ARHGAP30: variants seen among roughly 807,000 people sequenced by gnomAD.
The protein encoded by ARHGAP30 is Rho GTPase activating protein 30, also known as rho GTPase-activating protein 30.
A neutral mutation model predicts 72.0 loss-of-function variants in ARHGAP30; 23 were observed. The observed-to-expected ratio is 0.32, with a 90% CI of 0.23 to 0.45. The LOEUF (loss-of-function observed/expected upper bound fraction) is 0.45. ARHGAP30 is among the 20% of genes least tolerant of loss of function. ARHGAP30 has a pLI of 1.00. For synonymous variants in ARHGAP30, 576 were observed against 528.2 expected, an observed-to-expected ratio of 1.09 and a Z score of -1.24; for missense variants, 1,319 against 1,383.4, an observed-to-expected ratio of 0.95 and a Z score of 0.74.
chr1:161,057,910 T>C (rs1298691732), intron 2 of ARHGAP30, among the ~76,000 whole-genome samples: 1 of 151,720 alleles, frequency 6.6e-6, no homozygotes, highest in Non-Finnish European at 1.5e-5. Flanking sequence ...CCAGCACTTC[T>C]GGAGGCCAAG....
rs201733366 is a variant in ARHGAP30 at position 161,051,331 on chromosome 1, A to G, written c.1403T>C (p.Leu468Pro). 66 of 1,603,252 alleles carry G rather than the reference A, an allele frequency of 4.1e-5. No homozygotes were observed. In the East Asian group the frequency reaches 6.5e-4, roughly 16 times the overall value. ...PASGPGPGPGLGPGPPDEKLE... is the reference protein window; with the variant it reads ...PASGPGPGPGPGPGPPDEKLE... ...GTCCTCACCTGGGGGGCCAGGGCCA[A>G]GGCCAGGGCCAGGGCCAGGGCCAGA... The change falls in exon 10 of 12, where the codon CTT (leucine) becomes CCT (proline). Residue 468 changes from leucine (L) to proline (P), a missense_variant. By Grantham distance (98) the Leu-to-Pro change is moderately conservative (BLOSUM62 -3). This residue lies in a region of ARHGAP30 where 1,097 missense variants were observed against 1,045.2 expected (regional missense o/e 1.05). Coordinates refer to ENST00000368013, the MANE Select transcript of ARHGAP30 (RefSeq NM_001025598.2).
Position 161,054,827 on chromosome 1 carries a change from A to T in ARHGAP30, c.346-122T>A. 3 of 834,750 alleles carry T rather than the reference A, an allele frequency of 3.6e-6. No individual in the cohort carries two copies. The South Asian group carries it at 4.4e-5, about 12-fold the overall frequency. The allele number at this position is 834,750 out of a possible 1,614,324, so 51.7% of individuals were successfully genotyped here. A position where few individuals can be genotyped will look rare whatever the true frequency, so the allele number is the denominator to read the frequency against. ...ACTGGACTCTGTGCTACCCCATCCT[A>T]CATCATCTGCGGTGCACTGACTTGG... On this transcript the variant is annotated intron_variant, in intron 3 of 11. Coordinates refer to ENST00000368013, the MANE Select transcript of ARHGAP30 (RefSeq NM_001025598.2).
Position 161,052,317 on chromosome 1 carries a change from G to C in ARHGAP30, c.987C>G (p.Asp329Glu). ...TGGCCCCAGCTGCAGCACTCAGTGA[G>C]TCCATGCTTTTGGCTGGCCGCAGTG... is the stretch of plus-strand genomic sequence containing the variant. ...KGTLRPAKSM[D>E]SLSAAAGASD... is the part of the protein sequence containing the mutation. The change falls in exon 9 of 12, where the codon GAC becomes GAG. Residue 329 changes from aspartate to glutamate, a missense_variant. Physicochemically the swap from Asp to Glu is conservative, Grantham distance 45 (BLOSUM62 2). Transcript: ENST00000368013. 6.2e-7 allele frequency: 1 copy of C among 1,613,980 alleles called. No individual in the cohort carries two copies. Among genetic ancestry groups the C allele is most frequent in the Non-Finnish European group, 8.5e-7 (1 of 1,180,032 alleles).
chr1:161,064,779 A>AAAAGAAAG (rs201614477), intron 1 of ARHGAP30, among the ~76,000 whole-genome samples: 1,659 of 98,066 alleles, frequency 0.017, 33 homozygotes, highest in East Asian at 0.062. Flanking sequence ...GAAAGAAAGA[A>AAAAGAAAG]AAAGAAAGAA....
chr1:161,047,670 T>C lies in ARHGAP30; in HGVS notation c.*45A>G. On this transcript the variant is annotated 3_prime_UTR_variant, in exon 12 of 12. Transcript: ENST00000368013. ...ACAGCTAGTCAGGAACCCTGGAGAT[T>C]CAAGACAACTTGCTGGTCCCCTTTG... 6.7e-7 allele frequency: 1 copy of C among 1,490,730 alleles called. No homozygotes were observed. The highest frequency in any genetic ancestry group is 8.9e-7 in the Non-Finnish European group (1 of 1,119,502). 92.3% of individuals were successfully genotyped at this position (1,490,730 alleles called of 1,614,324 possible). A position where few individuals can be genotyped will look rare whatever the true frequency, so the allele number is the denominator to read the frequency against.
Position 161,048,089 on chromosome 1 carries a change from T to C in ARHGAP30, c.2932A>G (p.Arg978Gly). The change falls in exon 12 of 12, where the codon AGG (arginine) becomes GGG (glycine). Residue 978 changes from arginine to glycine, a missense_variant. This residue lies in a region of ARHGAP30 where 1,097 missense variants were observed against 1,045.2 expected (regional missense o/e 1.05). Coordinates refer to ENST00000368013, the MANE Select transcript of ARHGAP30 (RefSeq NM_001025598.2). ...PGRLDGTPGE[R>G]AWGSRASRSS... ...CGAGAAGCTCGGGACCCCCAAGCCC[T>C]TTCTCCAGGAGTCCCATCAAGCCGG... is the stretch of plus-strand genomic sequence containing the variant. 6.2e-7 allele frequency: 1 copy of C among 1,614,148 alleles called. No individual in the cohort carries two copies. Among genetic ancestry groups the C allele is most frequent in the Non-Finnish European group, 8.5e-7 (1 of 1,180,016 alleles).
chr1:161,052,645 T>C lies in ARHGAP30; in HGVS notation c.817A>G (p.Ile273Val), dbSNP rs776608050. 2 of 1,613,758 alleles carry C rather than the reference T, an allele frequency of 1.2e-6. No homozygotes were observed. The highest frequency in any genetic ancestry group is 4.5e-5 in the East Asian group (2 of 44,894). The change falls in exon 7 of 12, where the codon ATC (isoleucine) becomes GTC (valine). Residue 273 changes from isoleucine to valine, a missense_variant. This residue lies in a region of ARHGAP30 where 1,097 missense variants were observed against 1,045.2 expected (regional missense o/e 1.05). Transcript: ENST00000368013. ...CCTTACTTGTGCTCTGCAATCTCGATGATAGTATGGTAGGGCCGCATCTGT... is the reference window on the plus strand; with the variant it reads ...CCTTACTTGTGCTCTGCAATCTCGACGATAGTATGGTAGGGCCGCATCTGT... ...PPQMRPYHTI[I>V]EIAEHKRKGS...
rs1483737960 is a variant in ARHGAP30 at position 161,049,518 on chromosome 1, A to G, written c.1592T>C (p.Val531Ala). The change falls in exon 11 of 12, where the codon GTG (valine) becomes GCG (alanine). Residue 531 changes from valine to alanine, a missense_variant. Transcript: ENST00000368013. ...TGCTCCTGCTGCTTCTGCCTGGGCC[A>G]CCTCCCCATCCTCTGCCCCCACCCA... ...PEWVGAEDGE[V>A]AQAEAAGAAF... The G allele has an allele frequency of 1.2e-6, 2 of 1,613,454 alleles. No homozygotes were observed. Among genetic ancestry groups the G allele is most frequent in the Admixed American group, 1.7e-5 (1 of 59,966 alleles).
Position 161,051,522 on chromosome 1 carries a change from T to C in ARHGAP30, c.1212A>G (p.Ala404=). 2 of 1,614,238 alleles carry C rather than the reference T, an allele frequency of 1.2e-6. No individual in the cohort carries two copies. The highest frequency in any genetic ancestry group is 3.3e-4 in the Middle Eastern group (2 of 6,062). ...SAIRAGGSSR[A]ERCAGVHISD... is the part of the protein sequence containing the mutation. ...AGATGTGGACACCAGCACAGCGTTCTGCACGGCTGCTGCCCCCAGCCCGGA... is the reference window on the plus strand; with the variant it reads ...AGATGTGGACACCAGCACAGCGTTCCGCACGGCTGCTGCCCCCAGCCCGGA... The change falls in exon 10 of 12, where the codon GCA becomes GCG. Residue 404 remains alanine (A), a synonymous_variant. Coordinates refer to ENST00000368013, the MANE Select transcript of ARHGAP30 (RefSeq NM_001025598.2).
chr1:161,064,775 AAGAAAAAG>A (rs1243435640), intron 1 of ARHGAP30, among the ~76,000 whole-genome samples: 4 of 100,136 alleles, frequency 4.0e-5, no homozygotes, highest in East Asian at 4.7e-4. Context: ...GAAAGAAAGA[AAGAAAAAG>A]AAAGAAAGAA....
chr1:161,058,922 ACTAT>A (rs1220536338), intron 2 of ARHGAP30, among the ~76,000 whole-genome samples: 4 of 151,884 alleles, frequency 2.6e-5, no homozygotes, highest in Non-Finnish European at 5.9e-5. Flanking sequence ...GTACTTCATC[ACTAT>A]CTAAAGTAAA....
intron 1 of ARHGAP30, among the ~76,000 whole-genome samples, chr1:161,061,423 G>T (rs1652303824): frequency 6.6e-6 from 1 of 152,104 alleles, no homozygotes. Flanking sequence ...AAAGTGCTGG[G>T]ATTACAGGCG....
rs1399070911 is a variant in ARHGAP30, at chr1:161,048,160, C to T, written c.2861G>A (p.Cys954Tyr). 1 of 1,614,208 alleles carries T rather than the reference C, an allele frequency of 6.2e-7. No homozygotes were observed. The highest frequency in any genetic ancestry group is 1.1e-5 in the South Asian group (1 of 91,086). The change falls in exon 12 of 12, where the codon TGT becomes TAT. Residue 954 changes from cysteine to tyrosine, a missense_variant. Coordinates refer to ENST00000368013, the MANE Select transcript of ARHGAP30 (RefSeq NM_001025598.2). The stretch of plus-strand genomic sequence containing the variant: ...TGCAGGTGCCACATGAATCTTGCTA[C>T]ACATTGCACTGGGCATCTTGGCAAA... ...PQFAKMPSAM[C>Y]SKIHVAPANP...
chr1:161,052,035 ACCACCACC>A, intron 9 of ARHGAP30, among the ~76,000 whole-genome samples: 1 of 68,066 alleles, frequency 1.5e-5, no homozygotes, highest in South Asian at 4.8e-4. Context: ...CACCACCACC[ACCACCACC>A]ACCACCACCA....
In ARHGAP30 at chr1:161,047,964, C is replaced by G; in HGVS notation, c.3057G>C (p.Gln1019His). The G allele has an allele frequency of 1.9e-6, 3 of 1,614,116 alleles. No homozygotes were observed. Among genetic ancestry groups the G allele is most frequent in the Non-Finnish European group, 2.5e-6 (3 of 1,180,014 alleles). Residue 1019 changes from glutamine to histidine, a missense_variant, in exon 12 of 12, where the codon CAG (glutamine) becomes CAC (histidine). Gln to His is a conservative substitution (Grantham distance 24). This residue lies in a region of ARHGAP30 where 1,097 missense variants were observed against 1,045.2 expected (regional missense o/e 1.05). Coordinates refer to ENST00000368013, the MANE Select transcript of ARHGAP30 (RefSeq NM_001025598.2). ...AGTAATCCCCACCCTCAGTACAGGT[C>G]TGGGTTCGCCGAACTCCTTGAGCCT... ...RTEAQGVRRT[Q>H]TCTEGGDYCL...
chr1:161,064,801 A>C (rs1048983115), intron 1 of ARHGAP30, among the ~76,000 whole-genome samples: 17 of 71,342 alleles, frequency 2.4e-4, no homozygotes, highest in African/African-American at 1.3e-3. Context: ...GAAAGAAAGA[A>C]AGAAAGAAAG....
chr1:161,069,185 G>A lies in ARHGAP30; in HGVS notation c.97+343C>T, dbSNP rs1268902629. Among the ~76,000 whole-genome samples the A allele has an allele frequency of 2.6e-5, 4 of 151,780 alleles. No individual in the cohort carries two copies. Among genetic ancestry groups the A allele is most frequent in the South Asian group, 2.1e-4 (1 of 4,794 alleles). On this transcript the variant is annotated intron_variant, in intron 1 of 11. Transcript: ENST00000368013. This position sits in a 1 kb window ranked among gnomAD's most constrained non-coding sequence, Gnocchi z 4.9. The stretch of plus-strand genomic sequence containing the variant: ...CAGCCACTCCTCTCCTGACCCTGTC[G>A]CCTCACCCTCCCTCTCCTGTTCCCA...
rs1651496842 is a variant in ARHGAP30, at chr1:161,052,671, G to A, written c.791C>T (p.Pro264Leu). 1 of 1,613,832 alleles carries A rather than the reference G, an allele frequency of 6.2e-7. No homozygotes were observed. Among genetic ancestry groups the A allele is most frequent in the Non-Finnish European group, 8.5e-7 (1 of 1,179,958 alleles). The change falls in exon 7 of 12, where the codon CCA becomes CTA. Residue 264 changes from proline to leucine, a missense_variant. Physicochemically the swap from Pro to Leu is moderately conservative, Grantham distance 98. This residue lies in a region of ARHGAP30 where 1,097 missense variants were observed against 1,045.2 expected (regional missense o/e 1.05). Coordinates refer to ENST00000368013, the MANE Select transcript of ARHGAP30 (RefSeq NM_001025598.2). ...GATAGTATGGTAGGGCCGCATCTGT[G>A]GGGGTCCATCGCCAGCCTGCAGTAT... ...PSILQAGDGP[P>L]QMRPYHTIIE...
intron 3 of ARHGAP30, among the ~76,000 whole-genome samples, chr1:161,055,325 C>G (rs909447987): frequency 6.6e-6 from 1 of 152,020 alleles, no homozygotes; most frequent in African/African-American, 2.4e-5. Flanking sequence ...GACCTTGTCT[C>G]TACTAAAAAT....
Sources: gnomAD v4.1 joint callset for allele counts (sites outside exome capture counted in the v4.1 genomes callset) on GRCh38, gnomAD v4.1.1 for gene constraint, gnomAD v4.1.1 regional missense constraint, Gnocchi (gnomAD v3.1) non-coding constraint, MANE v1.5 for transcripts, NCBI Gene and HGNC (gene_info 2026-07-23, HGNC 2026-07-21) for gene names.